The following RORB variants were observed in gnomAD, a reference collection of about 807,000 sequenced individuals.
The protein encoded by RORB is nuclear receptor ROR-beta.
A neutral mutation model predicts 59.1 loss-of-function variants in RORB; 6 were observed. The ratio of observed to expected loss-of-function variants is 0.10; its 90% CI spans 0.06 to 0.20. The LOEUF is 0.20. Among genes scored for constraint, RORB ranks in the 10% least tolerant of loss-of-function variants. The pLI is 1.00. For synonymous variants in RORB, 215 were observed against 204.5 expected (o/e 1.05, Z -0.44); for missense variants, 320 against 560.5 (o/e 0.57, Z 4.33).
chr9:74,666,848 T>C (rs889549817), intron 7 of RORB, among the ~76,000 whole-genome samples: 3 of 152,200 alleles, frequency 2.0e-5, no homozygotes, highest in Non-Finnish European at 2.9e-5. Flanking sequence ...GTGCATGGCA[T>C]GGTAGGAAGA....
In RORB at chr9:74,618,052, A is replaced by G. The variant is rs113417542; in HGVS notation, c.8-12230A>G. ...AACGTAATTTTCAGTGCAGAAATTG[A>G]CAATATATTTAGTCATTGTAGCATC... On this transcript the variant is annotated intron_variant, in intron 1 of 9. Coordinates refer to ENST00000376896, the MANE Select transcript of RORB (RefSeq NM_006914.4). Among the ~76,000 whole-genome samples, 236 of 152,296 alleles carry G rather than the reference A, an allele frequency of 1.5e-3. 1 individual carries two copies. Among genetic ancestry groups the G allele is most frequent in the African/African-American group, 5.2e-3 (218 of 41,560 alleles).
chr9:74,581,226 G>A (rs950658546), intron 1 of RORB, among the ~76,000 whole-genome samples: 5 of 152,064 alleles, frequency 3.3e-5, no homozygotes, highest in East Asian at 3.9e-4. Flanking sequence ...AAAAGTCTCC[G>A]TGCAATCTCA....
chr9:74,615,753 G>A, intron 1 of RORB: 47 of 275,786 alleles, frequency 1.7e-4, no homozygotes, highest in East Asian at 5.2e-4. Context: ...CTAGGTGTGG[G>A]GACAAAAAAA....
chr9:74,638,228 A>C (rs965316282), intron 3 of RORB, among the ~76,000 whole-genome samples: 1 of 152,214 alleles, frequency 6.6e-6, no homozygotes, highest in Non-Finnish European at 1.5e-5. Context: ...GAAACCAAAA[A>C]CACATGTCCA....
At chr9:74,514,944 C>A (rs1261690432) in intron 1 of RORB, among the ~76,000 whole-genome samples, 2 of 151,266 alleles carry the variant, frequency 1.3e-5, no homozygotes, top group African/African-American at 4.9e-5. Flanking sequence ...AACTTCTGAA[C>A]CCCTTGAGGT....
At chr9:74,500,337 G>A (rs1220308099) in intron 1 of RORB, among the ~76,000 whole-genome samples, 1 of 152,128 alleles carries the variant, frequency 6.6e-6, no homozygotes, top group African/African-American at 2.4e-5. Context: ...CAGTATGAGA[G>A]GCTGTTCCGT....
intron 6 of RORB, among the ~76,000 whole-genome samples, chr9:74,663,948 G>C (rs959634662): frequency 6.6e-6 from 1 of 152,096 alleles, no homozygotes; most frequent in Non-Finnish European, 1.5e-5. Flanking sequence ...AACACATATT[G>C]TTATTTCCAT....
intron 9 of RORB, among the ~76,000 whole-genome samples, chr9:74,674,001 C>T (rs7868869): frequency 0.035 from 5,310 of 152,130 alleles, 309 homozygotes; most frequent in African/African-American, 0.12. Flanking sequence ...CAGATTAAGT[C>T]GCTCCATTTG....
intron 1 of RORB, among the ~76,000 whole-genome samples, chr9:74,533,809 G>A (rs569528980): frequency 1.8e-4 from 27 of 152,042 alleles, no homozygotes; most frequent in South Asian, 4.1e-4. Flanking sequence ...TGAAATTTCA[G>A]ACTTTTAAGA....
chr9:74,642,567 T>A lies in RORB; in HGVS notation c.389T>A (p.Leu130Gln). ...TACAGCAGCAGCATTAGCAACGGCC[T>A]GAGCAACCTGAACAACGAGACCAGC... ...RVYSSSISNG[L>Q]SNLNNETSGT... Residue 130 changes from leucine to glutamine, a missense_variant, in exon 4 of 10, where the codon CTG (leucine) becomes CAG (glutamine). Around this residue, in one of 4 missense-constraint regions of RORB, gnomAD observed 134 missense variants for 156.2 expected, o/e 0.86. Transcript: ENST00000376896. 1 of 1,614,186 alleles carries A rather than the reference T, an allele frequency of 6.2e-7. No homozygotes were observed. The highest frequency in any genetic ancestry group is 8.5e-7 in the Non-Finnish European group (1 of 1,180,032).
At chr9:74,580,598 A>G (rs751507846) in intron 1 of RORB, among the ~76,000 whole-genome samples, 16 of 152,138 alleles carry the variant, frequency 1.1e-4, no homozygotes, top group Non-Finnish European at 2.4e-4. Flanking sequence ...TTCTATAATG[A>G]TTTTTTTAGG....
At chr9:74,528,685 TTTC>T (rs1277429259) in intron 1 of RORB, among the ~76,000 whole-genome samples, 2 of 152,004 alleles carry the variant, frequency 1.3e-5, no homozygotes, top group African/African-American at 2.4e-5. Flanking sequence ...CTGAAATTAT[TTTC>T]TTCTTCTTTT....
intron 1 of RORB, among the ~76,000 whole-genome samples, chr9:74,605,140 C>A (rs551144884): frequency 1.3e-5 from 2 of 151,764 alleles, no homozygotes; most frequent in Non-Finnish European, 2.9e-5. Flanking sequence ...CATTCAGTCC[C>A]GAAATAACAT....
intron 1 of RORB, among the ~76,000 whole-genome samples, chr9:74,592,982 C>T (rs1327552956): frequency 1.3e-5 from 2 of 152,056 alleles, no homozygotes; most frequent in African/African-American, 4.8e-5. Context: ...ATCCATAGAC[C>T]GTTTCTTGGG....
intron 1 of RORB, among the ~76,000 whole-genome samples, chr9:74,537,669 A>T (rs1330405514): frequency 6.6e-6 from 1 of 152,018 alleles, no homozygotes; most frequent in African/African-American, 2.4e-5. Flanking sequence ...TCATTTGATG[A>T]GTTTTAGCAG....
At chr9:74,679,379 C>T (rs1824504379) in intron 9 of RORB, among the ~76,000 whole-genome samples, 1 of 152,214 alleles carries the variant, frequency 6.6e-6, no homozygotes, top group African/African-American at 2.4e-5. Context: ...CGTGTGACCA[C>T]TGCTGAGGTA....
chr9:74,649,484 T>G (rs1352210560), intron 4 of RORB, among the ~76,000 whole-genome samples: 1 of 152,170 alleles, frequency 6.6e-6, no homozygotes, highest in Non-Finnish European at 1.5e-5. Context: ...ACATCTATAG[T>G]ATTAACCAGT....
chr9:74,563,921 G>T (rs1822435741), intron 1 of RORB, among the ~76,000 whole-genome samples: 1 of 152,198 alleles, frequency 6.6e-6, no homozygotes, highest in South Asian at 2.1e-4. Context: ...AAAGACCAGT[G>T]ATGTGCTTCA....
chr9:74,635,473 G>C (rs1823686001), intron 3 of RORB, among the ~76,000 whole-genome samples: 1 of 152,108 alleles, frequency 6.6e-6, no homozygotes, highest in African/African-American at 2.4e-5. Context: ...GATGAACGAA[G>C]AATTTCACCT....
Sources: gnomAD v4.1 joint callset for allele counts (sites outside exome capture counted in the v4.1 genomes callset) on GRCh38, gnomAD v4.1.1 for gene constraint, gnomAD v4.1.1 regional missense constraint, MANE v1.5 for transcripts, NCBI Gene and HGNC (gene_info 2026-07-23, HGNC 2026-07-21) for gene names.